SLC9A3: variants seen among roughly 807,000 people sequenced by gnomAD.
The protein encoded by SLC9A3 is solute carrier family 9 member A3, also known as sodium/hydrogen exchanger 3.
Under a neutral mutation model 86.8 loss-of-function variants are expected in SLC9A3, and 37 were observed. The ratio of observed to expected loss-of-function variants is 0.43; its 90% CI spans 0.33 to 0.56. The LOEUF (loss-of-function observed/expected upper bound fraction) is 0.56. Among genes scored for constraint, SLC9A3 ranks in the 20% least tolerant of loss-of-function variants. The pLI, the probability that SLC9A3 is intolerant of heterozygous loss-of-function variation, is 0.06. For missense variants in SLC9A3, 1,011 were observed against 1,171.9 expected, an observed-to-expected ratio of 0.86 and a Z score of 2.00; for synonymous variants, 581 against 528.3, an observed-to-expected ratio of 1.10 and a Z score of -1.37.
chr5:483,422 C>A lies in SLC9A3; in HGVS notation c.993G>T (p.Ser331=), dbSNP rs772740820. ...KYVKANISEQ[S]ATTVRYTMKM... is the part of the protein sequence containing the mutation. ...TCATGGTGTAGCGCACGGTGGTGGCCGACTGCTCCGAGATGTTGGCCTTCA... is the reference window on the plus strand; with the variant it reads ...TCATGGTGTAGCGCACGGTGGTGGCAGACTGCTCCGAGATGTTGGCCTTCA... Residue 331 remains serine (S), a synonymous_variant, in exon 6 of 17, where the codon TCG becomes TCT. Coordinates refer to ENST00000264938, the MANE Select transcript of SLC9A3 (RefSeq NM_004174.4). The A allele has an allele frequency of 2.1e-5, 33 of 1,584,662 alleles. No individual in the cohort carries two copies. The highest frequency in any genetic ancestry group is 5.3e-5 in the Admixed American group (3 of 56,196).
At chr5:508,316 A>G (rs937855480) in intron 1 of SLC9A3, among the ~76,000 whole-genome samples, 1 of 148,048 alleles carries the variant, frequency 6.8e-6, no homozygotes, top group African/African-American at 2.5e-5. Flanking sequence ...CGCAGCCCAC[A>G]GTCTGCCGGG....
intron 1 of SLC9A3, among the ~76,000 whole-genome samples, chr5:505,182 A>C: frequency 1.6e-5 from 1 of 62,500 alleles, no homozygotes. Context: ...CTGCTGTGGG[A>C]GGAGCATCTG....
chr5:477,047 G>A (rs2126606382), intron 11 of SLC9A3: 1 of 513,120 alleles, frequency 1.9e-6, no homozygotes, highest in Non-Finnish European at 3.5e-6. Context: ...CAGTAAGGGT[G>A]GCATGGGGAC....
chr5:503,788 T>C, intron 1 of SLC9A3, among the ~76,000 whole-genome samples: 1 of 152,252 alleles, frequency 6.6e-6, no homozygotes, highest in Non-Finnish European at 1.5e-5. Flanking sequence ...AATAAAGAAC[T>C]TTCTTCTTGT....
intron 2 of SLC9A3, among the ~76,000 whole-genome samples, chr5:490,382 G>C (rs1322319696): frequency 6.6e-6 from 1 of 151,980 alleles, no homozygotes; most frequent in Non-Finnish European, 1.5e-5. Flanking sequence ...GGTGTGGGGA[G>C]TCCTCCAGGG....
At chr5:493,357 C>T (rs944066457) in intron 1 of SLC9A3, among the ~76,000 whole-genome samples, 1 of 152,244 alleles carries the variant, frequency 6.6e-6, no homozygotes, top group African/African-American at 2.4e-5. Flanking sequence ...CCACACCACC[C>T]GCCCCCGAAG....
At chr5:514,107 G>A (rs1013314332) in intron 1 of SLC9A3, among the ~76,000 whole-genome samples, 2 of 152,274 alleles carry the variant, frequency 1.3e-5, no homozygotes, top group African/African-American at 4.8e-5. Flanking sequence ...TGCTTTCTGG[G>A]AAGAGATTAC....
Position 476,005 on chromosome 5 carries a change from G to C in SLC9A3, c.2140+15C>G. 6.3e-7 allele frequency: 1 copy of C among 1,598,940 alleles called. No homozygotes were observed. The highest frequency in any genetic ancestry group is 8.5e-7 in the Non-Finnish European group (1 of 1,172,166). On this transcript the variant is annotated intron_variant, in intron 14 of 16. Transcript: ENST00000264938. The stretch of plus-strand genomic sequence containing the variant: ...GGCTCCCAGTCCCAGCGTTCCTGCA[G>C]GGCCCCCAGCGCACCTTTCTCCTTG...
intron 1 of SLC9A3, 152 bp downstream of exon 1, chr5:523,960 G>A: frequency 2.3e-6 from 1 of 433,598 alleles, no homozygotes; most frequent in Non-Finnish European, 3.9e-6. Flanking sequence ...AGTCGCTCCC[G>A]AGTCTCGCTC....
chr5:472,350 C>A lies in SLC9A3; in HGVS notation c.*1029G>T, dbSNP rs188019228. 3.0e-3 allele frequency: 997 copies of A among 335,630 alleles called. 14 individuals are homozygous for A. Among genetic ancestry groups the A allele is most frequent in the Admixed American group, 0.011 (252 of 22,506 alleles). The allele number at this position is 335,630 out of a possible 1,614,324, so 20.8% of individuals were successfully genotyped here. ...GCCTGAGCCTGGTAGGGGGGCGGTG[C>A]CCTGGGCCCCTCCATGCCCCCTGGT... On this transcript the variant is annotated 3_prime_UTR_variant, in exon 17 of 17. Transcript: ENST00000264938.
Position 471,582 on chromosome 5 carries a change from G to A in SLC9A3, c.*1797C>T. On this transcript the variant is annotated 3_prime_UTR_variant, in exon 17 of 17. Transcript: ENST00000264938. ...GAACGTCAGGACGGTGGCTGCAGCA[G>A]GGAACCAGGGCTGGCCTTGGATCTG... 1 of 357,552 alleles carries A rather than the reference G, an allele frequency of 2.8e-6. No individual in the cohort carries two copies. The highest frequency in any genetic ancestry group is 5.5e-6 in the Non-Finnish European group (1 of 181,136). 22.1% of individuals were successfully genotyped at this position (357,552 alleles called of 1,614,324 possible).
At chr5:484,741 C>G in intron 4 of SLC9A3, 44 bp from the exon 5 acceptor site, 1 of 1,598,694 alleles carries the variant, frequency 6.3e-7, no homozygotes, top group Non-Finnish European at 8.6e-7. Context: ...CCTTCCGGGC[C>G]CTTCCTTGCC....
rs377586992 is a variant in SLC9A3, at chr5:476,008, C to A, written c.2140+12G>T. 6.2e-7 allele frequency: 1 copy of A among 1,600,358 alleles called. No individual in the cohort carries two copies. The highest frequency in any genetic ancestry group is 1.1e-5 in the South Asian group (1 of 89,230). ...TCCCAGTCCCAGCGTTCCTGCAGGG[C>A]CCCCAGCGCACCTTTCTCCTTGATG... On this transcript the variant is annotated intron_variant, in intron 14 of 16. Transcript: ENST00000264938.
intron 1 of SLC9A3, among the ~76,000 whole-genome samples, chr5:493,787 C>G (rs777330202): frequency 4.6e-5 from 7 of 152,186 alleles, no homozygotes; most frequent in Non-Finnish European, 7.3e-5. Context: ...CCGTCCCCAC[C>G]ATGTGCCCCA....
chr5:491,366 G>A lies in SLC9A3; in HGVS notation c.514+403C>T, dbSNP rs1439907273. On this transcript the variant is annotated intron_variant, in intron 2 of 16. Transcript: ENST00000264938. The surrounding 1 kb of genome is among the most constrained non-coding windows in gnomAD (Gnocchi z 9.2). Reference sequence around the variant, plus strand: ...TGGCTCCGGCTGTGGCTGCAGCGGTGGCCGAGCGGCTCCGGCACACAGGCT... The same window carrying A: ...TGGCTCCGGCTGTGGCTGCAGCGGTAGCCGAGCGGCTCCGGCACACAGGCT... Among the ~76,000 whole-genome samples the A allele has an allele frequency of 6.6e-6, 1 of 152,154 alleles. No individual in the cohort carries two copies. The highest frequency in any genetic ancestry group is 1.9e-4 in the East Asian group (1 of 5,196).
chr5:501,434 G>T (rs974275469), intron 1 of SLC9A3, among the ~76,000 whole-genome samples: 2 of 152,230 alleles, frequency 1.3e-5, no homozygotes, highest in African/African-American at 4.8e-5. Flanking sequence ...CAGCCTGGCT[G>T]AGCGGTGGGG....
chr5:514,307 C>A (rs1370271469), intron 1 of SLC9A3, among the ~76,000 whole-genome samples: 1 of 152,232 alleles, frequency 6.6e-6, no homozygotes, highest in Non-Finnish European at 1.5e-5. Context: ...GTCTCCCAGG[C>A]TCTGTGCCGC....
At chr5:478,420 C>G (rs1738907130) in intron 10 of SLC9A3, 1 of 151,136 alleles carries the variant, frequency 6.6e-6, no homozygotes, top group South Asian at 2.1e-4. Context: ...GCTCCCCACA[C>G]CACTTCCCCT....
At chr5:486,903 CAGA>C (rs1739503206) in intron 3 of SLC9A3, among the ~76,000 whole-genome samples, 2 of 112,844 alleles carry the variant, frequency 1.8e-5, no homozygotes, top group African/African-American at 3.6e-5. Context: ...CACCGTGATC[CAGA>C]CCGCACTGAC....
Sources: gnomAD v4.1 joint callset for allele counts (sites outside exome capture counted in the v4.1 genomes callset) on GRCh38, gnomAD v4.1.1 for gene constraint, Gnocchi (gnomAD v3.1) non-coding constraint, MANE v1.5 for transcripts, NCBI Gene and HGNC (gene_info 2026-07-23, HGNC 2026-07-21) for gene names.